ZNF536: variants seen among roughly 807,000 people sequenced by gnomAD.
ZNF536 encodes zinc finger protein 536.
ZNF536 carries 13 observed loss-of-function variants against 84.5 expected under a neutral mutation model. The ratio of observed to expected loss-of-function variants is 0.15; its 90% CI spans 0.10 to 0.24. The LOEUF (loss-of-function observed/expected upper bound fraction) is 0.24. Among genes scored for constraint, ZNF536 ranks in the 10% least tolerant of loss-of-function variants. The probability of loss-of-function intolerance (pLI) is 1.00; values close to 1 mark genes in which losing one functional copy is unlikely to be tolerated. For synonymous variants in ZNF536, 811 were observed against 742.5 expected, an observed-to-expected ratio of 1.09 and a Z score of -1.50; for missense variants, 1,536 against 1,747.5, an observed-to-expected ratio of 0.88 and a Z score of 2.16.
At chr19:30,233,197 G>A (rs2023205181) in intron 1 of ZNF536, among the ~76,000 whole-genome samples, 1 of 152,170 alleles carries the variant, frequency 6.6e-6, no homozygotes. Flanking sequence ...AATTGCACAT[G>A]GAGGTGGTGT....
intron 1 of ZNF536, among the ~76,000 whole-genome samples, chr19:30,237,405 G>A: frequency 6.6e-6 from 1 of 152,226 alleles, no homozygotes; most frequent in East Asian, 1.9e-4. Context: ...TGGGGATGGA[G>A]CCCTTGTTTC....
chr19:30,383,965 C>T (rs1444250708), intron 1 of ZNF536, among the ~76,000 whole-genome samples: 1 of 97,674 alleles, frequency 1.0e-5, no homozygotes, highest in African/African-American at 3.9e-5. Flanking sequence ...CTCCCCTTCC[C>T]TTCCTTCTTC....
chr19:30,311,506 T>G (rs946190842), intron 2 of ZNF536, among the ~76,000 whole-genome samples: 11 of 152,254 alleles, frequency 7.2e-5, no homozygotes, highest in Admixed American at 3.9e-4. Flanking sequence ...GCTCACTGGA[T>G]AATCTGCACC....
chr19:30,529,844 G>A (rs536456409), intron 2 of ZNF536, among the ~76,000 whole-genome samples: 1 of 152,170 alleles, frequency 6.6e-6, no homozygotes, highest in Non-Finnish European at 1.5e-5. Context: ...TGCAAATATG[G>A]CCTGTGTCTG....
intron 1 of ZNF536, among the ~76,000 whole-genome samples, chr19:30,622,156 G>A (rs992140682): frequency 6.6e-6 from 1 of 152,190 alleles, no homozygotes; most frequent in African/African-American, 2.4e-5. Context: ...GGAAGAATGG[G>A]TTCCCTGTTA....
intron 2 of ZNF536, among the ~76,000 whole-genome samples, chr19:30,302,851 C>T (rs2046228653): frequency 6.6e-6 from 1 of 152,064 alleles, no homozygotes; most frequent in Non-Finnish European, 1.5e-5. Flanking sequence ...ACGCAGTGCA[C>T]CAGATTTGAC....
chr19:30,509,486 T>C (rs1395719421), intron 2 of ZNF536, among the ~76,000 whole-genome samples: 1 of 148,302 alleles, frequency 6.7e-6, no homozygotes, highest in Non-Finnish European at 1.5e-5. Context: ...ATGTATAATA[T>C]ATAGCTATAT....
intron 2 of ZNF536, among the ~76,000 whole-genome samples, chr19:30,531,099 A>G (rs909086580): frequency 1.3e-5 from 2 of 152,350 alleles, no homozygotes; most frequent in African/African-American, 4.8e-5. Context: ...TAGTCTAACC[A>G]TAAATGCCAT....
chr19:30,476,363 TC>T (rs1353160072), intron 2 of ZNF536, among the ~76,000 whole-genome samples: 1 of 152,208 alleles, frequency 6.6e-6, no homozygotes, highest in African/African-American at 2.4e-5. Flanking sequence ...ATCCTGGTCT[TC>T]CTTTTAGGAG....
chr19:30,346,134 G>A (rs915404779), intron 2 of ZNF536, among the ~76,000 whole-genome samples: 2 of 152,100 alleles, frequency 1.3e-5, no homozygotes, highest in African/African-American at 4.8e-5. Flanking sequence ...GCTTCCAAGG[G>A]ACCCCAAGGG....
chr19:30,387,974 A>G (rs75848679), intron 1 of ZNF536, among the ~76,000 whole-genome samples: 4,861 of 152,176 alleles, frequency 0.032, 291 homozygotes, highest in African/African-American at 0.11. Flanking sequence ...GTCTGTGTAG[A>G]TAGGATGGTC....
In ZNF536 at chr19:30,644,803, T is replaced by C. The variant is rs2147375110; in HGVS notation, c.170-65954T>C. On this transcript the variant is annotated intron_variant, in intron 1 of 1. Coordinates refer to the ZNF536 transcript ENST00000592773. ...TTGGGTTGGTTCCAAGTCTTTCCTATTGTGAATAGTGCCTCAATAAACATA... is the reference window on the plus strand; with the variant it reads ...TTGGGTTGGTTCCAAGTCTTTCCTACTGTGAATAGTGCCTCAATAAACATA... Among the ~76,000 whole-genome samples, 2 of 152,320 alleles carry C rather than the reference T, an allele frequency of 1.3e-5. 1 individual carries two copies. Among genetic ancestry groups the C allele is most frequent in the South Asian group, 4.1e-4 (2 of 4,822 alleles).
rs56199909 is a variant in ZNF536 at position 30,705,309 on chromosome 19, A to ATGTGTGTGTG, written c.170-5430_170-5421dup. ...GCCTTTCAGCAAACAACTCAGAAAG[A>ATGTGTGTGTG]TGTGTGTGTGTGTGTGTGTGTGTGT... On this transcript the variant is annotated intron_variant, in intron 1 of 1. Coordinates refer to the ZNF536 transcript ENST00000592773. Among the ~76,000 whole-genome samples the ATGTGTGTGTG allele has an allele frequency of 2.3e-3, 339 of 149,218 alleles. 1 individual carries two copies. Among genetic ancestry groups the ATGTGTGTGTG allele is most frequent in the South Asian group, 8.9e-3 (41 of 4,632 alleles).
intron 2 of ZNF536, among the ~76,000 whole-genome samples, chr19:30,307,377 A>G (rs1478706037): frequency 8.0e-6 from 1 of 124,438 alleles, no homozygotes; most frequent in Non-Finnish European, 1.7e-5. Flanking sequence ...TCCCAGGGCC[A>G]GAGGACGTGC....
chr19:30,466,755 GGGAAGGAAGGAA>G (rs1300813936), intron 2 of ZNF536, among the ~76,000 whole-genome samples: 77 of 62,574 alleles, frequency 1.2e-3, no homozygotes, highest in East Asian at 5.7e-3. Context: ...GAAGAAAGGA[GGGAAGGAAGGAA>G]GGAAGGAAGG....
chr19:30,582,065 G>T (rs1401023112), intron 1 of ZNF536, among the ~76,000 whole-genome samples: 1 of 152,188 alleles, frequency 6.6e-6, no homozygotes, highest in African/African-American at 2.4e-5. Context: ...GAGGGTCCGC[G>T]GTCCTGCTTC....
chr19:30,344,383 A>G (rs1473423223), intron 2 of ZNF536, among the ~76,000 whole-genome samples: 1 of 128,784 alleles, frequency 7.8e-6, no homozygotes, highest in African/African-American at 3.0e-5. Flanking sequence ...GAGGTTGTAG[A>G]GAGCAGAGAT....
At chr19:30,625,751 A>G (rs1472725177) in intron 1 of ZNF536, among the ~76,000 whole-genome samples, 1 of 152,184 alleles carries the variant, frequency 6.6e-6, no homozygotes, top group African/African-American at 2.4e-5. Context: ...ACCTGCTTCC[A>G]TGTTCTGGCT....
intron 1 of ZNF536, among the ~76,000 whole-genome samples, chr19:30,376,155 A>G (rs1332125722): frequency 4.0e-5 from 6 of 151,834 alleles, no homozygotes; most frequent in Middle Eastern, 3.4e-3. Context: ...ATGGGTACCA[A>G]GGTTTCTTTG....
Sources: allele counts gnomAD v4.1 joint callset (sites outside exome capture counted in the v4.1 genomes callset), GRCh38; gene constraint gnomAD v4.1.1; transcripts MANE v1.5; gene names NCBI Gene and HGNC (gene_info 2026-07-23, HGNC 2026-07-21).